The following NEK7 variants were observed in gnomAD, a reference collection of about 807,000 sequenced individuals.
NEK7 encodes serine/threonine-protein kinase Nek7.
NEK7 carries 18 observed loss-of-function variants against 44.6 expected under a neutral mutation model. The observed-to-expected ratio is 0.40, with a 90% CI of 0.28 to 0.60. The LOEUF is 0.60. NEK7 is among the 20% of genes least tolerant of loss of function. The pLI is 0.38. For missense variants in NEK7, 256 were observed against 366.5 expected, an observed-to-expected ratio of 0.70 and a Z score of 2.46; for synonymous variants, 130 against 121.1, an observed-to-expected ratio of 1.07 and a Z score of -0.48.
chr1:198,291,206 T>C (rs1654541879), intron 7 of NEK7, among the ~76,000 whole-genome samples: 2 of 152,204 alleles, frequency 1.3e-5, no homozygotes, highest in African/African-American at 4.8e-5. Context: ...GTGTTTTCAG[T>C]TGCCCCCCTG....
intron 9 of NEK7, among the ~76,000 whole-genome samples, chr1:198,313,951 T>C (rs142003162): frequency 0.068 from 10,065 of 147,918 alleles, 450 homozygotes; most frequent in East Asian, 0.14. Flanking sequence ...GTGGCATTCT[T>C]TGTATTTCCT....
intron 1 of NEK7, among the ~76,000 whole-genome samples, chr1:198,172,553 A>G (rs1664480649): frequency 6.6e-6 from 1 of 152,224 alleles, no homozygotes; most frequent in Non-Finnish European, 1.5e-5. Context: ...ATCTTTATAC[A>G]AAATATGTTT....
Position 198,232,628 on chromosome 1 carries a change from C to A in NEK7, c.48C>A (p.Phe16Leu). 6.3e-7 allele frequency: 1 copy of A among 1,590,116 alleles called. No homozygotes were observed. The change falls in exon 2 of 10, where the codon TTC becomes TTA. Residue 16 changes from phenylalanine (F) to leucine (L), a missense_variant. Phe to Leu is a conservative substitution (Grantham distance 22). This residue lies in a region of NEK7 where 96 missense variants were observed against 94.9 expected (regional missense o/e 1.01). Transcript: ENST00000367385. ...TGCAAGGGCCACCTGTTCCTCAGTT[C>A]CAACCACAGGTAATTTATCCTAATT... Reference protein sequence around the residue: ...QGMQGPPVPQFQPQKALRPDM... With the variant: ...QGMQGPPVPQLQPQKALRPDM...
chr1:198,209,027 ATG>A (rs1391756118), intron 1 of NEK7, among the ~76,000 whole-genome samples: 1 of 116,904 alleles, frequency 8.6e-6, no homozygotes. Context: ...TAAAGCATAT[ATG>A]TGTGTGTGTA....
At chr1:198,181,271 A>G (rs917670777) in intron 1 of NEK7, among the ~76,000 whole-genome samples, 1 of 152,094 alleles carries the variant, frequency 6.6e-6, no homozygotes, top group African/African-American at 2.4e-5. Flanking sequence ...TTGATCATTG[A>G]CTTCTTTTCA....
chr1:198,206,733 T>G (rs935204853), intron 1 of NEK7: 3 of 152,106 alleles, frequency 2.0e-5, no homozygotes, highest in Non-Finnish European at 2.9e-5. Context: ...CTTGAAAAAT[T>G]TTTTTACATA....
chr1:198,279,598 A>T (rs1339033256), intron 7 of NEK7, among the ~76,000 whole-genome samples: 1 of 151,970 alleles, frequency 6.6e-6, no homozygotes, highest in Non-Finnish European at 1.5e-5. Context: ...GACTTAGATC[A>T]AATGGTGACA....
chr1:198,248,827 T>C (rs1208741271), intron 2 of NEK7, among the ~76,000 whole-genome samples: 1 of 152,024 alleles, frequency 6.6e-6, no homozygotes, highest in Non-Finnish European at 1.5e-5. Flanking sequence ...TAAAGACAAG[T>C]TATAAGGAGT....
chr1:198,244,255 G>T (rs1666767290), intron 2 of NEK7, among the ~76,000 whole-genome samples: 1 of 151,950 alleles, frequency 6.6e-6, no homozygotes, highest in South Asian at 2.1e-4. Flanking sequence ...TTAAATCATT[G>T]ATAACAATAC....
intron 3 of NEK7, among the ~76,000 whole-genome samples, chr1:198,257,469 A>T (rs1157467703): frequency 2.0e-5 from 3 of 152,172 alleles, no homozygotes; most frequent in Non-Finnish European, 4.4e-5. Flanking sequence ...GCACTTCCAT[A>T]ATACATAGGC....
At chr1:198,215,165 T>C (rs1178589655) in intron 1 of NEK7, among the ~76,000 whole-genome samples, 2 of 150,862 alleles carry the variant, frequency 1.3e-5, no homozygotes, top group East Asian at 3.8e-4. Context: ...ATACAAGAAA[T>C]TCTAAAAGGA....
intron 1 of NEK7, among the ~76,000 whole-genome samples, chr1:198,224,477 T>C (rs779262737): frequency 6.6e-6 from 1 of 152,142 alleles, no homozygotes; most frequent in African/African-American, 2.4e-5. Context: ...TAAGAATATA[T>C]TTCTCAGCAC....
chr1:198,172,691 A>G (rs1334092555), intron 1 of NEK7, among the ~76,000 whole-genome samples: 2 of 152,202 alleles, frequency 1.3e-5, no homozygotes, highest in African/African-American at 2.4e-5. Flanking sequence ...GAGAAGTGAG[A>G]GTTGAAATGT....
intron 1 of NEK7, among the ~76,000 whole-genome samples, chr1:198,200,346 G>T (rs1045824722): frequency 3.9e-5 from 6 of 151,942 alleles, no homozygotes; most frequent in Non-Finnish European, 8.8e-5. Flanking sequence ...TGGCCAGCTT[G>T]CTTTTTTTTC....
At chr1:198,272,052 A>G (rs1653869691) in intron 5 of NEK7, among the ~76,000 whole-genome samples, 1 of 151,284 alleles carries the variant, frequency 6.6e-6, no homozygotes, top group Admixed American at 6.6e-5. Flanking sequence ...TGTTGTATAG[A>G]ATTATTTTTT....
chr1:198,247,742 G>A (rs1666876401), intron 2 of NEK7, among the ~76,000 whole-genome samples: 1 of 151,706 alleles, frequency 6.6e-6, no homozygotes, highest in African/African-American at 2.4e-5. Flanking sequence ...AAAACATTGG[G>A]TTTGAATTAT....
chr1:198,171,678 G>GAA (rs574229281), intron 1 of NEK7, among the ~76,000 whole-genome samples: 24 of 141,486 alleles, frequency 1.7e-4, no homozygotes, highest in Middle Eastern at 3.6e-3. Context: ...GACTCCGTCT[G>GAA]AAAAAAAAAA....
chr1:198,288,608 C>G (rs984483425), intron 7 of NEK7, among the ~76,000 whole-genome samples: 1 of 152,138 alleles, frequency 6.6e-6, no homozygotes, highest in Non-Finnish European at 1.5e-5. Flanking sequence ...GGCAAGTTAC[C>G]TGACCAACTT....
At chr1:198,188,756 T>C (rs1200388814) in intron 1 of NEK7, among the ~76,000 whole-genome samples, 1 of 152,144 alleles carries the variant, frequency 6.6e-6, no homozygotes, top group Non-Finnish European at 1.5e-5. Flanking sequence ...AGTATAGTAA[T>C]ACTATATCTG....
Sources: allele counts gnomAD v4.1 joint callset (sites outside exome capture counted in the v4.1 genomes callset), GRCh38; gene constraint gnomAD v4.1.1; regional missense constraint gnomAD v4.1.1; transcripts MANE v1.5; gene names NCBI Gene and HGNC (gene_info 2026-07-23, HGNC 2026-07-21).